Variants in NDUFAF2 observed in about 807,000 individuals in gnomAD.
NDUFAF2 encodes the protein NADH dehydrogenase [ubiquinone] 1 alpha subcomplex assembly factor 2.
Under a neutral mutation model 22.8 loss-of-function variants are expected in NDUFAF2, and 13 were observed. The observed-to-expected ratio is 0.57, with a 90% CI of 0.37 to 0.91. The LOEUF (loss-of-function observed/expected upper bound fraction) is 0.91. Ranked by LOEUF, NDUFAF2 falls within the 40% of genes least tolerant of loss-of-function variation. NDUFAF2 has a pLI of 0.01. For missense variants in NDUFAF2, 162 were observed against 195.2 expected (o/e 0.83, Z 1.01); for synonymous variants, 53 against 64.2 (o/e 0.83, Z 0.84).
intron 3 of NDUFAF2, among the ~76,000 whole-genome samples, chr5:61,132,091 A>T (rs1456112132): frequency 6.6e-6 from 1 of 152,194 alleles, no homozygotes; most frequent in African/African-American, 2.4e-5. Flanking sequence ...TTAAATGAGA[A>T]GTATATGGCA....
chr5:61,113,091 T>A (rs1752866076), intron 3 of NDUFAF2, among the ~76,000 whole-genome samples: 1 of 152,188 alleles, frequency 6.6e-6, no homozygotes, highest in Non-Finnish European at 1.5e-5. Flanking sequence ...TCAATTTATA[T>A]CTTACTCTAC....
intron 1 of NDUFAF2, among the ~76,000 whole-genome samples, chr5:60,958,718 C>G (rs530473126): frequency 3.3e-5 from 5 of 152,194 alleles, no homozygotes; most frequent in Non-Finnish European, 7.4e-5. Flanking sequence ...AAGAAAACCA[C>G]AGAAAATGGT....
intron 3 of NDUFAF2, among the ~76,000 whole-genome samples, chr5:61,126,676 A>G (rs1337222599): frequency 6.6e-6 from 1 of 152,080 alleles, no homozygotes; most frequent in African/African-American, 2.4e-5. Context: ...TTATTTGCGT[A>G]TTGGCAAAAT....
intron 3 of NDUFAF2, among the ~76,000 whole-genome samples, chr5:61,129,383 G>A (rs1753079024): frequency 6.6e-6 from 1 of 152,022 alleles, no homozygotes; most frequent in Admixed American, 6.6e-5. Context: ...CAAAGACTTG[G>A]AACCAACCCA....
intron 3 of NDUFAF2, among the ~76,000 whole-genome samples, chr5:61,137,130 A>G (rs1740973696): frequency 1.3e-5 from 2 of 151,966 alleles, no homozygotes; most frequent in Non-Finnish European, 2.9e-5. Context: ...TTACCTCTTA[A>G]ATTTTGGTGG....
chr5:61,092,779 T>C (rs1313168929), intron 2 of NDUFAF2, among the ~76,000 whole-genome samples: 1 of 152,166 alleles, frequency 6.6e-6, no homozygotes, highest in Non-Finnish European at 1.5e-5. Flanking sequence ...GGCATCCTTG[T>C]CTTGTGCCAC....
At chr5:61,011,646 C>G (rs1751443844) in intron 1 of NDUFAF2, among the ~76,000 whole-genome samples, 1 of 152,066 alleles carries the variant, frequency 6.6e-6, no homozygotes, top group Admixed American at 6.6e-5. Context: ...TTCAGCCTCC[C>G]AACAATTATG....
intron 3 of NDUFAF2, chr5:61,115,788 G>A (rs926343484): frequency 1.3e-5 from 2 of 152,170 alleles, no homozygotes; most frequent in Non-Finnish European, 2.9e-5. Flanking sequence ...GGTGAAGTTT[G>A]AAGAGGAACC....
At chr5:60,982,123 A>G (rs1750991872) in intron 1 of NDUFAF2, among the ~76,000 whole-genome samples, 1 of 152,188 alleles carries the variant, frequency 6.6e-6, no homozygotes, top group South Asian at 2.1e-4. Context: ...TGTGTGTGAC[A>G]ACAAAAGAAG....
intron 1 of NDUFAF2, among the ~76,000 whole-genome samples, chr5:60,971,419 T>C (rs1750827680): frequency 1.3e-5 from 2 of 152,140 alleles, no homozygotes; most frequent in South Asian, 4.2e-4. Flanking sequence ...CTCGAGTAGC[T>C]GGGACTGCAG....
chr5:61,127,087 A>T (rs1298325257), intron 3 of NDUFAF2, among the ~76,000 whole-genome samples: 1 of 152,180 alleles, frequency 6.6e-6, no homozygotes. Flanking sequence ...CTAAACCAGG[A>T]AGAAGTTGAA....
intron 1 of NDUFAF2, among the ~76,000 whole-genome samples, chr5:61,056,017 T>A (rs1038780930): frequency 6.6e-6 from 1 of 152,174 alleles, no homozygotes; most frequent in African/African-American, 2.4e-5. Flanking sequence ...TAAGCCAAAT[T>A]AACATAATAT....
At chr5:61,011,070 T>C (rs1014082761) in intron 1 of NDUFAF2, among the ~76,000 whole-genome samples, 12 of 152,170 alleles carry the variant, frequency 7.9e-5, no homozygotes, top group African/African-American at 2.9e-4. Flanking sequence ...CCTGGAGTCT[T>C]GTCCTCCATA....
chr5:61,056,515 A>C (rs1197352477), intron 1 of NDUFAF2, among the ~76,000 whole-genome samples: 1 of 152,212 alleles, frequency 6.6e-6, no homozygotes, highest in Non-Finnish European at 1.5e-5. Context: ...CAAAGATAAA[A>C]TTCATGTCAT....
At chr5:60,948,933 A>G (rs1750503605) in intron 1 of NDUFAF2, among the ~76,000 whole-genome samples, 1 of 152,106 alleles carries the variant, frequency 6.6e-6, no homozygotes, top group South Asian at 2.1e-4. Context: ...CAGTTGTCCT[A>G]TATCCTTATC....
intron 1 of NDUFAF2, among the ~76,000 whole-genome samples, chr5:61,001,675 A>T (rs1302268633): frequency 1.3e-5 from 2 of 152,138 alleles, no homozygotes; most frequent in African/African-American, 4.8e-5. Flanking sequence ...AAAAAGTCAG[A>T]ATTTTTATTA....
chr5:60,976,522 G>A (rs1435554016), intron 1 of NDUFAF2, among the ~76,000 whole-genome samples: 1 of 152,066 alleles, frequency 6.6e-6, no homozygotes, highest in Non-Finnish European at 1.5e-5. Context: ...GACCCCAAGG[G>A]GGTAGACTTT....
chr5:61,120,863 A>G (rs1752967763), intron 3 of NDUFAF2, among the ~76,000 whole-genome samples: 1 of 151,932 alleles, frequency 6.6e-6, no homozygotes, highest in Non-Finnish European at 1.5e-5. Context: ...TTATCCATAC[A>G]TTTTTTCTCA....
chr5:60,947,105 C>T (rs759475424), intron 1 of NDUFAF2, among the ~76,000 whole-genome samples: 10 of 152,018 alleles, frequency 6.6e-5, no homozygotes, highest in African/African-American at 9.7e-5. Context: ...TTTGTGTGAA[C>T]GTAAGTTTTC....
Sources: allele counts gnomAD v4.1 joint callset (sites outside exome capture counted in the v4.1 genomes callset), GRCh38; gene constraint gnomAD v4.1.1; transcripts MANE v1.5; gene names NCBI Gene and HGNC (gene_info 2026-07-23, HGNC 2026-07-21).